ZNF407: variants seen among roughly 807,000 people sequenced by gnomAD.
ZNF407 encodes zinc finger protein 407.
In ZNF407, 17 loss-of-function variants were observed where a neutral mutation model predicts 131.2. The ratio of observed to expected loss-of-function variants is 0.13; its 90% CI spans 0.09 to 0.19. ZNF407 has a LOEUF of 0.19. ZNF407 is among the 10% of genes least tolerant of loss of function. The probability of loss-of-function intolerance (pLI) is 1.00; values close to 1 mark genes in which losing one functional copy is unlikely to be tolerated. For missense variants in ZNF407, 2,681 were observed against 2,830.6 expected, an observed-to-expected ratio of 0.95 and a Z score of 1.20; for synonymous variants, 1,156 against 1,062.0, an observed-to-expected ratio of 1.09 and a Z score of -1.72.
chr18:75,058,842 C>G (rs544332193), intron 8 of ZNF407, among the ~76,000 whole-genome samples: 1 of 152,228 alleles, frequency 6.6e-6, no homozygotes, highest in South Asian at 2.1e-4. Flanking sequence ...TTAAATGACA[C>G]TTGAACTTCT....
chr18:75,022,363 A>G (rs1973121123), intron 8 of ZNF407, among the ~76,000 whole-genome samples: 1 of 152,162 alleles, frequency 6.6e-6, no homozygotes, highest in African/African-American at 2.4e-5. Context: ...CCAAATATCA[A>G]GGGGTTGGGG....
chr18:74,676,530 G>C (rs964914328), intron 3 of ZNF407, among the ~76,000 whole-genome samples: 1 of 149,976 alleles, frequency 6.7e-6, no homozygotes, highest in Admixed American at 6.7e-5. Context: ...TCCGCCTCCC[G>C]GGTTCACGCC....
chr18:74,713,736 C>T (rs1485945756), intron 3 of ZNF407, among the ~76,000 whole-genome samples: 1 of 152,018 alleles, frequency 6.6e-6, no homozygotes, highest in Non-Finnish European at 1.5e-5. Context: ...AGAGAATAGC[C>T]TATATTCCTT....
At chr18:74,601,305 T>TTGTGTGTGTGTG (rs748852719) in intron 1 of ZNF407, among the ~76,000 whole-genome samples, 1 of 141,168 alleles carries the variant, frequency 7.1e-6, no homozygotes, top group African/African-American at 2.7e-5. Context: ...CTTCAGTTAG[T>TTGTGTGTGTGTG]TGTGTGTGTG....
At chr18:74,800,081 T>C (rs1002080569) in intron 4 of ZNF407, among the ~76,000 whole-genome samples, 22 of 151,840 alleles carry the variant, frequency 1.4e-4, no homozygotes, top group African/African-American at 5.3e-4. Flanking sequence ...TTGAGGAGAG[T>C]CCAAAGACAA....
chr18:74,998,572 A>G (rs1215876430), intron 8 of ZNF407, among the ~76,000 whole-genome samples: 3 of 152,018 alleles, frequency 2.0e-5, no homozygotes, highest in Non-Finnish European at 2.9e-5. Context: ...GAAGACATTT[A>G]TGCAGCCAAA....
At chr18:74,607,352 G>A (rs568741883) in intron 1 of ZNF407, among the ~76,000 whole-genome samples, 8 of 152,138 alleles carry the variant, frequency 5.3e-5, no homozygotes, top group African/African-American at 1.4e-4. Flanking sequence ...CTCTCAGGCC[G>A]CTTGTAAGAG....
intron 3 of ZNF407, among the ~76,000 whole-genome samples, chr18:74,653,221 A>G (rs564485365): frequency 1.3e-5 from 2 of 151,966 alleles, no homozygotes; most frequent in East Asian, 3.9e-4. Context: ...TCTAGTTGCT[A>G]TGAAGTTTTC....
chr18:75,003,700 G>A (rs1452132871), intron 8 of ZNF407, among the ~76,000 whole-genome samples: 1 of 152,182 alleles, frequency 6.6e-6, no homozygotes, highest in Non-Finnish European at 1.5e-5. Flanking sequence ...AACAAGACAA[G>A]CAAATTGCCT....
At chr18:74,710,586 A>T (rs536441943) in intron 3 of ZNF407, among the ~76,000 whole-genome samples, 2 of 152,294 alleles carry the variant, frequency 1.3e-5, no homozygotes, top group African/African-American at 4.8e-5. Flanking sequence ...CATGGGTGTT[A>T]CAGCTGTACA....
chr18:74,794,243 A>G (rs139552821), intron 4 of ZNF407, among the ~76,000 whole-genome samples: 159 of 151,932 alleles, frequency 1.0e-3, no homozygotes, highest in Admixed American at 1.9e-3. Context: ...TTTCCGGCCA[A>G]CTCCATCATC....
intron 8 of ZNF407, among the ~76,000 whole-genome samples, chr18:75,019,694 A>G (rs1278875849): frequency 6.6e-6 from 1 of 152,048 alleles, no homozygotes; most frequent in Non-Finnish European, 1.5e-5. Flanking sequence ...AACCTGGGTA[A>G]TTTATGGGGA....
chr18:74,684,057 T>TATTA (rs1439859647), intron 3 of ZNF407, among the ~76,000 whole-genome samples: 4 of 152,236 alleles, frequency 2.6e-5, no homozygotes, highest in Non-Finnish European at 5.9e-5. Flanking sequence ...TGATATCATA[T>TATTA]ATTAGTATGT....
chr18:74,808,527 A>G (rs1485808987), intron 4 of ZNF407, among the ~76,000 whole-genome samples: 1 of 152,218 alleles, frequency 6.6e-6, no homozygotes, highest in African/African-American at 2.4e-5. Flanking sequence ...TTTTGTGTCT[A>G]TGGATGAAAT....
At chr18:74,832,591 C>T (rs1006458360) in intron 4 of ZNF407, among the ~76,000 whole-genome samples, 1 of 151,978 alleles carries the variant, frequency 6.6e-6, no homozygotes, top group African/African-American at 2.4e-5. Context: ...AGCCACCACA[C>T]CCACTTTAAG....
chr18:74,920,832 A>G, intron 8 of ZNF407, 140 bp downstream of exon 8: 1 of 1,307,734 alleles, frequency 7.6e-7, no homozygotes, highest in Non-Finnish European at 9.8e-7. Flanking sequence ...ACCTATAGAA[A>G]AGTACATTCC....
intron 4 of ZNF407, among the ~76,000 whole-genome samples, chr18:74,831,846 G>A (rs1970488589): frequency 6.6e-6 from 1 of 152,134 alleles, no homozygotes; most frequent in Admixed American, 6.5e-5. Context: ...TGTGTGGAGG[G>A]GCCTCCCTGT....
At chr18:75,036,257 A>G (rs552279940) in intron 8 of ZNF407, among the ~76,000 whole-genome samples, 154 of 152,310 alleles carry the variant, frequency 1.0e-3, no homozygotes, top group African/African-American at 3.3e-3. Flanking sequence ...AAATAGTATA[A>G]TTCTTTGATT....
chr18:74,789,614 AC>A, intron 4 of ZNF407, among the ~76,000 whole-genome samples: 1 of 152,080 alleles, frequency 6.6e-6, no homozygotes. Context: ...TGGAACTGTA[AC>A]TCTGACAGCG....
Sources: gnomAD v4.1 joint callset for allele counts (sites outside exome capture counted in the v4.1 genomes callset) on GRCh38, gnomAD v4.1.1 for gene constraint, MANE v1.5 for transcripts, NCBI Gene and HGNC (gene_info 2026-07-23, HGNC 2026-07-21) for gene names.